The following GUCY2C variants were observed in gnomAD, a reference collection of about 807,000 sequenced individuals.
GUCY2C encodes guanylyl cyclase C.
A neutral mutation model predicts 131.1 loss-of-function variants in GUCY2C; 118 were observed. The observed-to-expected ratio is 0.90, with a 90% CI of 0.78 to 1.05. GUCY2C has a LOEUF of 1.05. GUCY2C is among the 50% of genes least tolerant of loss of function. GUCY2C has a pLI of 0.00. For missense variants in GUCY2C, 1,161 were observed against 1,304.4 expected (o/e 0.89, Z 1.69); for synonymous variants, 452 against 457.8 (o/e 0.99, Z 0.16).
chr12:14,663,480 A>G (rs544414042), intron 10 of GUCY2C, among the ~76,000 whole-genome samples: 2 of 152,300 alleles, frequency 1.3e-5, no homozygotes, highest in East Asian at 3.9e-4. Flanking sequence ...GTGGGGTTTC[A>G]TCACGTTGGC....
chr12:14,617,309 A>G (rs754724361), intron 24 of GUCY2C, among the ~76,000 whole-genome samples: 1 of 152,098 alleles, frequency 6.6e-6, no homozygotes, highest in Non-Finnish European at 1.5e-5. Flanking sequence ...AAGAAATATA[A>G]TCTCACGTGG....
chr12:14,687,536 A>G (rs865930749), intron 2 of GUCY2C, among the ~76,000 whole-genome samples: 2 of 152,174 alleles, frequency 1.3e-5, no homozygotes, highest in African/African-American at 4.8e-5. Context: ...TGGGACAATC[A>G]CCTGAGCCCA....
intron 15 of GUCY2C, among the ~76,000 whole-genome samples, chr12:14,647,766 AAGG>A (rs1947551720): frequency 6.6e-6 from 1 of 152,026 alleles, no homozygotes. Flanking sequence ...TAAAAATATT[AAGG>A]AGGATTTTTT....
intron 9 of GUCY2C, among the ~76,000 whole-genome samples, chr12:14,671,983 G>C (rs1353936061): frequency 6.6e-6 from 1 of 152,074 alleles, no homozygotes; most frequent in Non-Finnish European, 1.5e-5. Context: ...CTTTTCTCTA[G>C]CTTTTCACAT....
intron 18 of GUCY2C, 29 bp downstream of exon 18, chr12:14,641,053 A>T: frequency 6.2e-7 from 1 of 1,609,204 alleles, no homozygotes; most frequent in Non-Finnish European, 8.5e-7. Context: ...TCACTCCCAG[A>T]GGGGACACAT....
intron 10 of GUCY2C, chr12:14,666,027 G>C (rs1391238900): frequency 1.3e-5 from 2 of 152,318 alleles, no homozygotes; most frequent in Non-Finnish European, 2.9e-5. Context: ...GGAGGGCTCT[G>C]AAGGGAAAAA....
chr12:14,646,158 C>T (rs1947519748), intron 15 of GUCY2C, among the ~76,000 whole-genome samples: 1 of 152,148 alleles, frequency 6.6e-6, no homozygotes, highest in African/African-American at 2.4e-5. Flanking sequence ...TTTCAAGTCA[C>T]TATTTTAATA....
rs2160539 is a variant in GUCY2C, at chr12:14,676,524, A to C, written c.948+330T>G. Among the ~76,000 whole-genome samples the C allele has an allele frequency of 0.99, 150,555 of 152,330 alleles. 74,416 individuals are homozygous for C. Among genetic ancestry groups the C allele is most frequent in the Middle Eastern group, 1 (294 of 294 alleles). ...ATTTTACATTATTTAATTTCTACCT[A>C]TTTTAAGTGTAAGATTGACCCTCAA... On this transcript the variant is annotated intron_variant, in intron 7 of 26. Coordinates refer to ENST00000261170, the MANE Select transcript of GUCY2C (RefSeq NM_004963.4).
At chr12:14,661,693 A>G (rs1365979243) in intron 10 of GUCY2C, among the ~76,000 whole-genome samples, 1 of 152,164 alleles carries the variant, frequency 6.6e-6, no homozygotes, top group African/African-American at 2.4e-5. Context: ...TCAGTCTCCC[A>G]AAGTGCTGGG....
At chr12:14,618,547 C>G (rs1369814551) in intron 24 of GUCY2C, among the ~76,000 whole-genome samples, 1 of 151,954 alleles carries the variant, frequency 6.6e-6, no homozygotes, top group Non-Finnish European at 1.5e-5. Flanking sequence ...CCAGAAAAAA[C>G]GAATATGCTT....
intron 11 of GUCY2C, among the ~76,000 whole-genome samples, chr12:14,656,828 G>T (rs1282338166): frequency 6.6e-6 from 1 of 152,142 alleles, no homozygotes; most frequent in Non-Finnish European, 1.5e-5. Flanking sequence ...TATAGCGGTG[G>T]CCCTCAACGT....
chr12:14,672,737 A>AT, intron 9 of GUCY2C, 136 bp downstream of exon 9: 1 of 628,846 alleles, frequency 1.6e-6, no homozygotes, highest in Non-Finnish European at 2.9e-6. Context: ...GTGGGGCGTA[A>AT]TTGTGAAGTT....
intron 17 of GUCY2C, among the ~76,000 whole-genome samples, chr12:14,641,505 C>T (rs1947403472): frequency 6.6e-6 from 1 of 152,166 alleles, no homozygotes; most frequent in South Asian, 2.1e-4. Flanking sequence ...GTCTTGAAAA[C>T]TCTCAAAGTT....
At chr12:14,651,363 AT>A (rs765524927) in intron 15 of GUCY2C, 43 bp downstream of exon 15, 2 of 955,752 alleles carry the variant, frequency 2.1e-6, no homozygotes, top group Non-Finnish European at 3.4e-6. Flanking sequence ...CCTGCTGAAT[AT>A]TTTTATATGA....
intron 10 of GUCY2C, among the ~76,000 whole-genome samples, chr12:14,666,545 C>T (rs1013509240): frequency 3.9e-5 from 6 of 152,110 alleles, no homozygotes; most frequent in African/African-American, 1.2e-4. Context: ...GACCAGCCAG[C>T]CCAACATGGC....
intron 10 of GUCY2C, among the ~76,000 whole-genome samples, chr12:14,669,078 T>A (rs963336992): frequency 2.0e-5 from 3 of 152,194 alleles, no homozygotes; most frequent in African/African-American, 7.2e-5. Flanking sequence ...TATGTCTCTG[T>A]GCTCATTTTT....
intron 1 of GUCY2C, 91 bp downstream of exon 1, chr12:14,696,141 G>A (rs1948650560): frequency 3.1e-6 from 3 of 977,360 alleles, no homozygotes; most frequent in African/African-American, 3.2e-5. Context: ...AGAAAGTTGT[G>A]TGATCAAAGA....
chr12:14,683,256 G>C lies in GUCY2C; in HGVS notation c.397C>G (p.Leu133Val). Residue 133 changes from leucine to valine, a missense_variant and splice_region_variant, in exon 4 of 27, where the codon CTT becomes GTT. Coordinates refer to ENST00000261170, the MANE Select transcript of GUCY2C (RefSeq NM_004963.4). ...SCTYSTFQMY[L>V]DTELSYPMIS... Reference sequence around the variant, plus strand: ...ATGGGGTAGCTCAATTCTGTGTCAAGGCTATGTCAAGAGGTTGAGGAAAAA... The same window carrying C: ...ATGGGGTAGCTCAATTCTGTGTCAACGCTATGTCAAGAGGTTGAGGAAAAA... The C allele has an allele frequency of 3.7e-6, 6 of 1,606,698 alleles. No individual in the cohort carries two copies. The highest frequency in any genetic ancestry group is 5.1e-6 in the Non-Finnish European group (6 of 1,173,568).
chr12:14,696,279 G>A lies in GUCY2C; in HGVS notation c.170C>T (p.Ala57Val), dbSNP rs771612876. The part of the protein sequence containing the change: ...FAEPLKNLED[A>V]VNEGLEIVRG... ...CACTATTTCCAGCCCCTCATTCACC[G>A]CATCTTCCAAGTTTTTCAGGGGCTC... Residue 57 changes from alanine to valine, a missense_variant, in exon 1 of 27, where the codon GCG becomes GTG. Transcript: ENST00000261170. 1.9e-5 allele frequency: 30 copies of A among 1,613,814 alleles called. No homozygotes were observed. Among genetic ancestry groups the A allele is most frequent in the African/African-American group, 1.1e-4 (8 of 74,854 alleles).
Sources: gnomAD v4.1 joint callset for allele counts (sites outside exome capture counted in the v4.1 genomes callset) on GRCh38, gnomAD v4.1.1 for gene constraint, MANE v1.5 for transcripts, NCBI Gene and HGNC (gene_info 2026-07-23, HGNC 2026-07-21) for gene names.